Variants in DPYD observed in about 807,000 individuals in gnomAD.
DPYD encodes dihydropyrimidine dehydrogenase.
A neutral mutation model predicts 116.2 loss-of-function variants in DPYD; 109 were observed. That is an observed-to-expected ratio of 0.94 (90% CI 0.80 to 1.10). DPYD has a LOEUF of 1.10. Ranked by LOEUF, DPYD falls within the 50% of genes least tolerant of loss-of-function variation. The pLI, the probability that DPYD is intolerant of heterozygous loss-of-function variation, is 0.00. For synonymous variants in DPYD, 440 were observed against 432.0 expected (o/e 1.02, Z -0.23); for missense variants, 1,302 against 1,254.5 (o/e 1.04, Z -0.57).
At chr1:97,484,605 C>T (rs1678515330) in intron 13 of DPYD, among the ~76,000 whole-genome samples, 1 of 152,152 alleles carries the variant, frequency 6.6e-6, no homozygotes, top group Admixed American at 6.5e-5. Flanking sequence ...CTGACTTCTC[C>T]ATGTAGCACA....
At chr1:97,563,451 T>A (rs1290146048) in intron 11 of DPYD, among the ~76,000 whole-genome samples, 1 of 152,206 alleles carries the variant, frequency 6.6e-6, no homozygotes, top group African/African-American at 2.4e-5. Context: ...TCTGAAACAA[T>A]TACGTTATTT....
At position 97,282,244 on chromosome 1, in the gene DPYD, T is replaced by C. The variant is rs542172104; in HGVS notation, c.2299+23015A>G. On this transcript the variant is annotated intron_variant, in intron 18 of 22. Coordinates refer to ENST00000370192, the MANE Select transcript of DPYD (RefSeq NM_000110.4). ...GACCTTGATTCTGAAGCAATTGCAT[T>C]ATTGTTGTCTTATGAACACTGTTTC... 2.0e-5 allele frequency among the ~76,000 whole-genome samples: 3 copies of C among 152,278 alleles called. No individual in the cohort carries two copies. The South Asian group carries it at 6.2e-4, about 32-fold the overall frequency.
chr1:97,292,710 G>A (rs72726681), intron 18 of DPYD, among the ~76,000 whole-genome samples: 90,753 of 149,602 alleles, frequency 0.61, 27,386 homozygotes, highest in South Asian at 0.72. Context: ...GCACGCGCGC[G>A]CACACGCGCG....
intron 2 of DPYD, among the ~76,000 whole-genome samples, chr1:97,876,409 G>A (rs1671922851): frequency 6.6e-6 from 1 of 151,938 alleles, no homozygotes; most frequent in Non-Finnish European, 1.5e-5. Flanking sequence ...ATTTAAGTTG[G>A]CACTCAGTTT....
chr1:97,541,221 G>A (rs550618967), intron 12 of DPYD, among the ~76,000 whole-genome samples: 87 of 151,964 alleles, frequency 5.7e-4, no homozygotes, highest in Non-Finnish European at 9.3e-4. Context: ...TATGTTTCTC[G>A]CCCTGTTTCT....
intron 2 of DPYD, among the ~76,000 whole-genome samples, chr1:97,832,045 T>TTTTG (rs373676873): frequency 1.5e-5 from 2 of 133,950 alleles, no homozygotes; most frequent in African/African-American, 2.8e-5. Context: ...ATATAATGTA[T>TTTTG]TGTGTGTGTG....
intron 2 of DPYD, among the ~76,000 whole-genome samples, chr1:97,831,837 G>A (rs952440074): frequency 6.6e-6 from 1 of 151,852 alleles, no homozygotes; most frequent in African/African-American, 2.4e-5. Flanking sequence ...CAAAACGCAG[G>A]CCTGCTAGCC....
At chr1:97,160,457 TACC>T (rs1391144522) in intron 20 of DPYD, among the ~76,000 whole-genome samples, 3 of 152,168 alleles carry the variant, frequency 2.0e-5, no homozygotes, top group Admixed American at 1.3e-4. Context: ...GTTAATATAC[TACC>T]TGAAAAATGT....
chr1:97,348,296 A>C (rs1196160811), intron 16 of DPYD, among the ~76,000 whole-genome samples: 1 of 152,198 alleles, frequency 6.6e-6, no homozygotes, highest in African/African-American at 2.4e-5. Context: ...TGACAAAGCA[A>C]TAACAAGGGA....
chr1:97,306,145 T>C (rs547316062), intron 17 of DPYD, 32 bp downstream of exon 17: 16 of 1,611,626 alleles, frequency 9.9e-6, no homozygotes, highest in African/African-American at 5.3e-5. Context: ...ATATTTACAA[T>C]AGCGGGCAAC....
intron 16 of DPYD, among the ~76,000 whole-genome samples, chr1:97,360,464 T>C (rs145400209): frequency 0.055 from 8,304 of 152,182 alleles, 319 homozygotes; most frequent in East Asian, 0.17. Flanking sequence ...CTAATAGACA[T>C]CTACAGAACT....
At chr1:97,789,094 C>G (rs542871426) in intron 3 of DPYD, among the ~76,000 whole-genome samples, 2 of 152,122 alleles carry the variant, frequency 1.3e-5, no homozygotes, top group African/African-American at 2.4e-5. Flanking sequence ...CTGTTTAATG[C>G]AAACACCTGT....
rs999345195 is a variant in DPYD at position 97,664,036 on chromosome 1, C to T, written c.850+15059G>A. On this transcript the variant is annotated intron_variant, in intron 8 of 22. Transcript: ENST00000370192. ...AAAATATTTACATGTCTGTCTCCCC[C>T]AAAACTGTAAGCCTCTTGATAACAA... Among the ~76,000 whole-genome samples, 5 of 152,106 alleles carry T rather than the reference C, an allele frequency of 3.3e-5. No individual in the cohort carries two copies. In the East Asian group the frequency reaches 9.6e-4, roughly 29 times the overall value.
chr1:97,500,177 G>A (rs1478694876), intron 13 of DPYD, among the ~76,000 whole-genome samples: 1 of 151,850 alleles, frequency 6.6e-6, no homozygotes, highest in Non-Finnish European at 1.5e-5. Flanking sequence ...AGTTTTAAAG[G>A]CACTCAAATT....
chr1:97,549,932 A>C (rs937619097), intron 11 of DPYD, among the ~76,000 whole-genome samples, 188 bp from the exon 12 acceptor site: 3 of 152,214 alleles, frequency 2.0e-5, no homozygotes, highest in African/African-American at 7.2e-5. Flanking sequence ...AAGGGCACTG[A>C]CTTAACTTTA....
chr1:97,191,264 G>C (rs1322429438), intron 20 of DPYD, among the ~76,000 whole-genome samples: 1 of 151,986 alleles, frequency 6.6e-6, no homozygotes, highest in East Asian at 1.9e-4. Flanking sequence ...CTGTACCCTA[G>C]ATCCAGAGTA....
intron 16 of DPYD, among the ~76,000 whole-genome samples, chr1:97,312,007 A>C (rs915501128): frequency 2.6e-5 from 4 of 151,632 alleles, no homozygotes; most frequent in Admixed American, 6.6e-5. Flanking sequence ...GAGGTGTTGG[A>C]GATGTTCTAT....
At chr1:97,618,153 C>T (rs528630988) in intron 8 of DPYD, among the ~76,000 whole-genome samples, 6 of 152,236 alleles carry the variant, frequency 3.9e-5, no homozygotes, top group African/African-American at 1.4e-4. Flanking sequence ...ATGATAAGGA[C>T]ATTAAAGCTT....
At chr1:97,613,459 G>A (rs768601983) in intron 8 of DPYD, among the ~76,000 whole-genome samples, 1 of 151,844 alleles carries the variant, frequency 6.6e-6, no homozygotes, top group Non-Finnish European at 1.5e-5. Flanking sequence ...TTTATCATCT[G>A]TTTTACATAA....
Sources: allele counts gnomAD v4.1 joint callset (sites outside exome capture counted in the v4.1 genomes callset), GRCh38; gene constraint gnomAD v4.1.1; transcripts MANE v1.5; gene names NCBI Gene and HGNC (gene_info 2026-07-23, HGNC 2026-07-21).